The following EP400 variants were observed in gnomAD, a reference collection of about 807,000 sequenced individuals.
EP400 encodes E1A-binding protein p400.
Under a neutral mutation model 354.1 loss-of-function variants are expected in EP400, and 105 were observed. The observed-to-expected ratio is 0.30, with a 90% CI of 0.25 to 0.35. EP400 has a LOEUF of 0.35. Ranked by LOEUF, EP400 falls within the 10% of genes least tolerant of loss-of-function variation. The pLI is 1.00. For missense variants in EP400, 3,280 were observed against 4,121.0 expected, an observed-to-expected ratio of 0.80 and a Z score of 5.59; for synonymous variants, 1,646 against 1,716.9, an observed-to-expected ratio of 0.96 and a Z score of 1.02.
intron 2 of EP400, among the ~76,000 whole-genome samples, chr12:131,976,607 G>C (rs1055867356): frequency 1.4e-3 from 208 of 152,284 alleles, no homozygotes; most frequent in African/African-American, 4.9e-3. Context: ...CTTCTCAGGA[G>C]GCTGAGGCAG....
rs1892273279 is a variant in EP400, at chr12:131,971,085, A to C, written c.1336-8609A>C. Among the ~76,000 whole-genome samples the C allele has an allele frequency of 7.2e-5, 11 of 152,142 alleles. No homozygotes were observed. In the South Asian group the frequency reaches 2.3e-3, roughly 32 times the overall value. On this transcript the variant is annotated intron_variant, in intron 2 of 52. Transcript: ENST00000389561. ...GGTGTGGCATGTGTTCTGTAGTCCCAGCTATTCATTCAGAAGGCTGAGGCG... is the reference window on the plus strand; with the variant it reads ...GGTGTGGCATGTGTTCTGTAGTCCCCGCTATTCATTCAGAAGGCTGAGGCG...
At chr12:132,057,649 A>G (rs552556811) in intron 45 of EP400, among the ~76,000 whole-genome samples, 1 of 152,276 alleles carries the variant, frequency 6.6e-6, no homozygotes, top group East Asian at 1.9e-4. Context: ...ATATATACAC[A>G]CAGTTTTTCT....
Position 132,044,709 on chromosome 12 carries a change from C to A in EP400, c.6624C>A (p.Val2208=), listed in dbSNP as rs189423713. 135 of 1,614,216 alleles carry A rather than the reference C, an allele frequency of 8.4e-5. No homozygotes were observed. Among genetic ancestry groups the A allele is most frequent in the Non-Finnish European group, 1.1e-4 (133 of 1,180,052 alleles). Residue 2208 remains valine (V), a synonymous_variant, in exon 36 of 53, where the codon GTC becomes GTA. Coordinates refer to ENST00000389561, the MANE Select transcript of EP400 (RefSeq NM_015409.5). ...VYEDVDGQTE[V]MPLWTPPTPP... is the part of the protein sequence containing the mutation. Reference sequence around the variant, plus strand: ...AAGATGTCGATGGGCAGACAGAAGTCATGCCGGTGAGTGCTGCCCTCTCCC... The same window carrying A: ...AAGATGTCGATGGGCAGACAGAAGTAATGCCGGTGAGTGCTGCCCTCTCCC...
At chr12:131,978,619 C>T (rs549453444) in intron 2 of EP400, among the ~76,000 whole-genome samples, 4 of 152,058 alleles carry the variant, frequency 2.6e-5, no homozygotes, top group Non-Finnish European at 5.9e-5. Context: ...AACTCTTGGG[C>T]TCAAGACTCC....
intron 2 of EP400, among the ~76,000 whole-genome samples, chr12:131,970,241 A>G (rs1284763841): frequency 6.6e-6 from 1 of 152,248 alleles, no homozygotes; most frequent in African/African-American, 2.4e-5. Context: ...CACGAAAAAG[A>G]GATGCAGTGT....
chr12:131,954,726 G>GAAAA (rs35935376), intron 1 of EP400, among the ~76,000 whole-genome samples: 3 of 83,706 alleles, frequency 3.6e-5, no homozygotes, highest in Non-Finnish European at 4.3e-5. Flanking sequence ...CTCCATCTCA[G>GAAAA]AAAAAAAAAA....
At chr12:132,014,819 G>A (rs959891560) in intron 19 of EP400, among the ~76,000 whole-genome samples, 6 of 152,202 alleles carry the variant, frequency 3.9e-5, no homozygotes, top group South Asian at 2.1e-4. Flanking sequence ...GTGCTGTGGC[G>A]GGAGCAGACG....
At position 132,069,527 on chromosome 12, in the gene EP400, G is replaced by A. The variant is rs138421958; in HGVS notation, c.8907G>A (p.Ala2969=). 35 of 1,614,210 alleles carry A rather than the reference G, an allele frequency of 2.2e-5. No individual in the cohort carries two copies. The highest frequency in any genetic ancestry group is 2.5e-5 in the Non-Finnish European group (29 of 1,180,008). ...CACAGCAGATCACCACCCCTGGCGC[G>A]CAGCAGAAGGTTGCCTACGCCGCGC... ...ITAQQITTPG[A]QQKVAYAAQP... Residue 2969 remains alanine (A), a synonymous_variant, in exon 51 of 53, where the codon GCG becomes GCA. Coordinates refer to ENST00000389561, the MANE Select transcript of EP400 (RefSeq NM_015409.5).
In EP400 at chr12:132,015,234, A is replaced by G. The variant is rs145243950; in HGVS notation, c.3923+1321A>G. On this transcript the variant is annotated intron_variant, in intron 19 of 52. Coordinates refer to ENST00000389561, the MANE Select transcript of EP400 (RefSeq NM_015409.5). ...GACACAGTACAACCGTCCTTTCTCC[A>G]AGAGGCGGAGCAGTGGAGCAGCACT... 8.5e-3 allele frequency among the ~76,000 whole-genome samples: 1,297 copies of G among 152,346 alleles called. 12 individuals carry two copies. Among genetic ancestry groups the G allele is most frequent in the African/African-American group, 0.03 (1,248 of 41,568 alleles).
At chr12:132,045,038 T>C in intron 37 of EP400, 85 bp downstream of exon 37, 3 of 1,322,006 alleles carry the variant, frequency 2.3e-6, no homozygotes, top group Non-Finnish European at 3.0e-6. Flanking sequence ...GCTGTCTGCC[T>C]GTCTGCTGTC....
Position 132,018,329 on chromosome 12 carries a change from A to G in EP400, c.4230A>G (p.Ser1410=). The G allele has an allele frequency of 6.2e-7, 1 of 1,611,588 alleles. No homozygotes were observed. The highest frequency in any genetic ancestry group is 8.5e-7 in the Non-Finnish European group (1 of 1,179,338). ...AACTCATGGAGGAAATCTCCACTTCAGCAGCCCCAGCAGCCCGACCAGCAG... is the reference window on the plus strand; with the variant it reads ...AACTCATGGAGGAAATCTCCACTTCGGCAGCCCCAGCAGCCCGACCAGCAG... ...PRKLMEEIST[S]AAPAARPAAA... is the part of the protein sequence containing the mutation. Residue 1410 remains serine (S), a synonymous_variant, in exon 21 of 53, where the codon TCA becomes TCG. Coordinates refer to ENST00000389561, the MANE Select transcript of EP400 (RefSeq NM_015409.5). This position sits in a 1 kb window ranked among gnomAD's most constrained non-coding sequence, Gnocchi z 4.0.
chr12:131,960,636 GC>G lies in EP400; in HGVS notation c.22del (p.Gln8ArgfsTer54). The G allele has an allele frequency of 6.3e-7, 1 of 1,590,564 alleles. No individual in the cohort carries two copies. Among genetic ancestry groups the G allele is most frequent in the Non-Finnish European group, 8.6e-7 (1 of 1,169,408 alleles). On this transcript the variant is annotated frameshift_variant, in exon 2 of 53. Transcript: ENST00000389561. LOFTEE classifies it high-confidence loss of function. ...GAGGTGATCATGCACCATGGCACTG[GC>G]CCCCAGAACGTCCAGCATCAGCTGC... MHHGT[G>X]PQNVQHQLQR...
chr12:131,963,676 C>T, intron 2 of EP400: 8 of 1,536,914 alleles, frequency 5.2e-6, no homozygotes, highest in Non-Finnish European at 7.1e-6. Context: ...GTAGTCTCAT[C>T]CCAAACTTTT....
chr12:131,973,334 C>G (rs1892363056), intron 2 of EP400, among the ~76,000 whole-genome samples: 1 of 152,208 alleles, frequency 6.6e-6, no homozygotes, highest in Non-Finnish European at 1.5e-5. Flanking sequence ...TGCTGCTAGA[C>G]TGTGGCCCCA....
At chr12:131,997,196 A>G (rs1017163052) in intron 12 of EP400, among the ~76,000 whole-genome samples, 2 of 152,076 alleles carry the variant, frequency 1.3e-5, no homozygotes, top group African/African-American at 4.8e-5. Context: ...ACTTACTAAT[A>G]GCCTACTGTT....
intron 39 of EP400, among the ~76,000 whole-genome samples, chr12:132,046,833 C>A (rs946073866): frequency 2.8e-4 from 43 of 151,828 alleles, no homozygotes; most frequent in African/African-American, 1.0e-3. Flanking sequence ...CCCACGTTGC[C>A]AGTGTCCACA....
chr12:131,955,173 C>A (rs1170552028), intron 1 of EP400, among the ~76,000 whole-genome samples: 1 of 152,144 alleles, frequency 6.6e-6, no homozygotes, highest in African/African-American at 2.4e-5. Flanking sequence ...TTTAGATAAA[C>A]AGTTTCTTTG....
chr12:132,067,287 A>G lies in EP400; in HGVS notation c.8750-75A>G. ...TTGTTATTTTCTGTAGAGGTGAGTC[A>G]GTTGGAACAGAGCTTGGCGTGAGCC... is the stretch of plus-strand genomic sequence containing the variant. On this transcript the variant is annotated intron_variant, in intron 49 of 52. Coordinates refer to ENST00000389561, the MANE Select transcript of EP400 (RefSeq NM_015409.5). The surrounding 1 kb of genome is among the most constrained non-coding windows in gnomAD (Gnocchi z 5.3). 1 of 1,559,098 alleles carries G rather than the reference A, an allele frequency of 6.4e-7. No individual in the cohort carries two copies. The highest frequency in any genetic ancestry group is 8.7e-7 in the Non-Finnish European group (1 of 1,150,412).
rs1418570458 is a variant in EP400 at position 132,044,281 on chromosome 12, G to C, written c.6555G>C (p.Leu2185=). 6.2e-7 allele frequency: 1 copy of C among 1,614,064 alleles called. No homozygotes were observed. The highest frequency in any genetic ancestry group is 1.7e-5 in the Admixed American group (1 of 60,032). Residue 2185 remains leucine (L), a synonymous_variant, in exon 35 of 53, where the codon CTG becomes CTC. Transcript: ENST00000389561. ...TGGAGCAGGAGGAGGCGGAGCTCCT[G>C]ACCTACACGCGAGAGGATGCCTACA... ...LRLEQEEAEL[L]TYTREDAYSM...
Sources: gnomAD v4.1 joint callset for allele counts (sites outside exome capture counted in the v4.1 genomes callset) on GRCh38, gnomAD v4.1.1 for gene constraint, Gnocchi (gnomAD v3.1) non-coding constraint, MANE v1.5 for transcripts, NCBI Gene and HGNC (gene_info 2026-07-23, HGNC 2026-07-21) for gene names.